The following AHI1 variants were observed in gnomAD, a reference collection of about 807,000 sequenced individuals.
The protein encoded by AHI1 is Abelson helper integration site 1.
In AHI1, 123 loss-of-function variants were observed where a neutral mutation model predicts 149.3. The ratio of observed to expected loss-of-function variants is 0.82; its 90% CI spans 0.71 to 0.96. The LOEUF (loss-of-function observed/expected upper bound fraction) is 0.96. AHI1 is among the 40% of genes least tolerant of loss of function. AHI1 has a pLI of 0.00. For missense variants in AHI1, 1,439 were observed against 1,422.7 expected (o/e 1.01, Z -0.18); for synonymous variants, 475 against 459.8 (o/e 1.03, Z -0.42).
chr6:135,431,607 G>A (rs1199341879), intron 16 of AHI1, among the ~76,000 whole-genome samples: 2 of 151,854 alleles, frequency 1.3e-5, no homozygotes, highest in South Asian at 2.1e-4. Context: ...TGTGTATATG[G>A]CTTATATTCC....
chr6:135,293,406 GA>G (rs71547029), intron 27 of AHI1, among the ~76,000 whole-genome samples: 4,689 of 65,722 alleles, frequency 0.071, 39 homozygotes, highest in African/African-American at 0.097. Context: ...AAAAAAAAAA[GA>G]AAAAAAAAAA....
intron 24 of AHI1, among the ~76,000 whole-genome samples, chr6:135,356,504 A>G (rs902038032): frequency 6.6e-6 from 1 of 152,206 alleles, no homozygotes; most frequent in East Asian, 1.9e-4. Context: ...AGTGTTGGAA[A>G]GCCAGGGGCT....
chr6:135,497,628 G>C lies in AHI1; in HGVS notation c.-247C>G, dbSNP rs1243308475. ...GCCCGTCCCGCCGGAGCCGACACCC[G>C]GAGCAGTGCAAATCAACTCCCCCAG... is the stretch of plus-strand genomic sequence containing the variant. On this transcript the variant is annotated 5_prime_UTR_variant, in exon 1 of 29. Coordinates refer to ENST00000265602, the MANE Select transcript of AHI1 (RefSeq NM_001134831.2). The C allele has an allele frequency of 1.3e-5, 2 of 155,834 alleles. No homozygotes were observed. Among genetic ancestry groups the C allele is most frequent in the African/African-American group, 2.4e-5 (1 of 41,480 alleles). 9.7% of individuals were successfully genotyped at this position (155,834 alleles called of 1,614,324 possible).
chr6:135,373,952 G>C (rs1775451157), intron 23 of AHI1, among the ~76,000 whole-genome samples: 1 of 151,628 alleles, frequency 6.6e-6, no homozygotes, highest in African/African-American at 2.4e-5. Context: ...AATCCCCGGG[G>C]ATCTTTCTAT....
intron 23 of AHI1, among the ~76,000 whole-genome samples, chr6:135,376,161 G>A (rs1436449645): frequency 6.6e-6 from 1 of 152,128 alleles, no homozygotes; most frequent in Non-Finnish European, 1.5e-5. Flanking sequence ...GGTGATAACA[G>A]CACTAGAAAA....
intron 20 of AHI1, among the ~76,000 whole-genome samples, chr6:135,412,699 A>G (rs541854904): frequency 1.3e-5 from 2 of 152,310 alleles, no homozygotes; most frequent in South Asian, 4.1e-4. Flanking sequence ...TACAAAGGAG[A>G]AAAAATATAT....
intron 27 of AHI1, among the ~76,000 whole-genome samples, chr6:135,293,019 C>T (rs989891609): frequency 6.6e-6 from 1 of 152,148 alleles, no homozygotes; most frequent in Non-Finnish European, 1.5e-5. Context: ...TCAAATTCAA[C>T]AAGCACTATC....
chr6:135,315,669 ATGGTATCCAAAAGAGCAG>A (rs1785838715), intron 26 of AHI1, among the ~76,000 whole-genome samples: 1 of 152,128 alleles, frequency 6.6e-6, no homozygotes, highest in Admixed American at 6.6e-5. Flanking sequence ...CTCCATTCTT[ATGGTATCCAAAAGAGCAG>A]CTCCCAGAAC....
At chr6:135,371,251 A>G (rs999638755) in intron 23 of AHI1, among the ~76,000 whole-genome samples, 1 of 152,210 alleles carries the variant, frequency 6.6e-6, no homozygotes, top group Non-Finnish European at 1.5e-5. Context: ...ATTTGGTTAC[A>G]GTACTCTCTA....
intron 25 of AHI1, 112 bp downstream of exon 25, chr6:135,323,050 G>T: frequency 8.6e-7 from 1 of 1,163,818 alleles, no homozygotes; most frequent in Non-Finnish European, 1.1e-6. Context: ...ATACCCATTG[G>T]TAAACATATG....
At chr6:135,382,973 A>AT (rs1175405760) in intron 23 of AHI1, among the ~76,000 whole-genome samples, 2 of 133,270 alleles carry the variant, frequency 1.5e-5, no homozygotes, top group African/African-American at 5.6e-5. Context: ...AATAATAATA[A>AT]TTTTTTAAAA....
rs549821999 is a variant in AHI1 at position 135,449,876 on chromosome 6, C to T, written c.1441-1401G>A. Among the ~76,000 whole-genome samples, 7 of 152,294 alleles carry T rather than the reference C, an allele frequency of 4.6e-5. No individual in the cohort carries two copies. The South Asian group carries it at 1.0e-3, about 23-fold the overall frequency. ...TAATTATATTTAATTTGAATTCAAA[C>T]AGCCATGTGACTTGTAGCTACCAAA... On this transcript the variant is annotated intron_variant, in intron 11 of 28. Coordinates refer to ENST00000265602, the MANE Select transcript of AHI1 (RefSeq NM_001134831.2).
intron 26 of AHI1, chr6:135,307,294 T>A (rs1023814230): frequency 6.6e-6 from 1 of 152,200 alleles, no homozygotes; most frequent in Non-Finnish European, 1.5e-5. Context: ...GAGACCAATA[T>A]GACCCATTAC....
chr6:135,456,749 T>C (rs1000010836), intron 9 of AHI1, among the ~76,000 whole-genome samples: 1 of 152,182 alleles, frequency 6.6e-6, no homozygotes, highest in Non-Finnish European at 1.5e-5. Flanking sequence ...TGTATTTCAT[T>C]GTACTTTTCA....
intron 24 of AHI1, among the ~76,000 whole-genome samples, chr6:135,327,913 T>C (rs905175941): frequency 2.0e-5 from 3 of 152,238 alleles, no homozygotes; most frequent in Non-Finnish European, 4.4e-5. Context: ...TACGTATCTC[T>C]TCATCTGTTT....
At chr6:135,295,227 T>C (rs907081455) in intron 27 of AHI1, among the ~76,000 whole-genome samples, 1 of 152,182 alleles carries the variant, frequency 6.6e-6, no homozygotes, top group Non-Finnish European at 1.5e-5. Flanking sequence ...GATATATCTC[T>C]ACATGTATTG....
Position 135,346,451 on chromosome 6 carries a change from C to T in AHI1, c.3165+11681G>A, listed in dbSNP as rs368026095. 3.5e-4 allele frequency among the ~76,000 whole-genome samples: 53 copies of T among 152,158 alleles called. No homozygotes were observed. The South Asian group carries it at 0.01, about 30-fold the overall frequency. Reference sequence around the variant, plus strand: ...TCCTGACCTCGTGATCTGCCCACCTCGGCATCCCAAAGTGCTGGGATTACA... The same window carrying T: ...TCCTGACCTCGTGATCTGCCCACCTTGGCATCCCAAAGTGCTGGGATTACA... On this transcript the variant is annotated intron_variant, in intron 24 of 28. Coordinates refer to ENST00000265602, the MANE Select transcript of AHI1 (RefSeq NM_001134831.2).
At chr6:135,298,173 G>C (rs78031441) in intron 27 of AHI1, among the ~76,000 whole-genome samples, 1 of 151,930 alleles carries the variant, frequency 6.6e-6, no homozygotes, top group East Asian at 1.9e-4. Flanking sequence ...GAACATCACA[G>C]GGCATGCGGT....
chr6:135,378,334 T>G (rs1397328526), intron 23 of AHI1, among the ~76,000 whole-genome samples: 6 of 152,226 alleles, frequency 3.9e-5, no homozygotes, highest in Non-Finnish European at 8.8e-5. Context: ...ACTTCTAAAC[T>G]AATGCCCAAA....
Sources: gnomAD v4.1 joint callset for allele counts (sites outside exome capture counted in the v4.1 genomes callset) on GRCh38, gnomAD v4.1.1 for gene constraint, MANE v1.5 for transcripts, NCBI Gene and HGNC (gene_info 2026-07-23, HGNC 2026-07-21) for gene names.